The following ANKRD12 variants were observed in gnomAD, a reference collection of about 807,000 sequenced individuals.
ANKRD12 encodes the protein ankyrin repeat domain 12, also known as ankyrin repeat domain-containing protein 12.
ANKRD12 carries 85 observed loss-of-function variants against 183.4 expected under a neutral mutation model. The observed-to-expected ratio is 0.46, with a 90% CI of 0.39 to 0.56. The LOEUF is 0.56. ANKRD12 is among the 20% of genes least tolerant of loss of function. ANKRD12 has a pLI of 0.00. For missense variants in ANKRD12, 2,405 were observed against 2,357.1 expected, an observed-to-expected ratio of 1.02 and a Z score of -0.42; for synonymous variants, 914 against 800.2, an observed-to-expected ratio of 1.14 and a Z score of -2.40.
chr18:9,248,281 C>T (rs34495373), intron 8 of ANKRD12, among the ~76,000 whole-genome samples: 2,970 of 152,256 alleles, frequency 0.02, 51 homozygotes, highest in Non-Finnish European at 0.03. Context: ...ACATGAACAT[C>T]GGACTTCTTT....
intron 2 of ANKRD12, among the ~76,000 whole-genome samples, chr18:9,191,247 C>T (rs997746650): frequency 1.3e-5 from 2 of 152,078 alleles, no homozygotes; most frequent in African/African-American, 4.8e-5. Context: ...ATGAGCCTCT[C>T]GTGAATTTGA....
At chr18:9,137,444 G>C (rs1261715287) in intron 1 of ANKRD12, 1 of 146,184 alleles carries the variant, frequency 6.8e-6, no homozygotes, top group East Asian at 2.0e-4. Context: ...GAGTGTGCGC[G>C]GCCGAGAGGG....
At chr18:9,204,243 A>G (rs2035351400) in intron 3 of ANKRD12, among the ~76,000 whole-genome samples, 1 of 152,246 alleles carries the variant, frequency 6.6e-6, no homozygotes, top group Admixed American at 6.5e-5. Context: ...TGTTATTGAA[A>G]CTGCATGGTT....
At chr18:9,215,208 T>G (rs1426968740) in intron 6 of ANKRD12, among the ~76,000 whole-genome samples, 1 of 152,038 alleles carries the variant, frequency 6.6e-6, no homozygotes, top group Admixed American at 6.6e-5. Flanking sequence ...GGACATTTAT[T>G]AGTAAGGAAG....
chr18:9,243,619 G>A lies in ANKRD12; in HGVS notation c.944-10592G>A, dbSNP rs1251685549. On this transcript the variant is annotated intron_variant, in intron 8 of 12. Coordinates refer to ENST00000262126, the MANE Select transcript of ANKRD12 (RefSeq NM_015208.5). ...GTGAAAGAGGGTAATCAGAGACCAA[G>A]AAAGTCCTTGGAATTCAAGATAATA... 3.3e-5 allele frequency among the ~76,000 whole-genome samples: 5 copies of A among 152,214 alleles called. No homozygotes were observed. In the East Asian group the frequency reaches 9.7e-4, roughly 29 times the overall value.
chr18:9,239,174 T>G (rs1364569372), intron 8 of ANKRD12, among the ~76,000 whole-genome samples: 1 of 152,184 alleles, frequency 6.6e-6, no homozygotes, highest in Non-Finnish European at 1.5e-5. Context: ...ATATGATATG[T>G]TAACTGTTAT....
At chr18:9,269,288 C>A (rs2039471363) in intron 10 of ANKRD12, among the ~76,000 whole-genome samples, 1 of 152,138 alleles carries the variant, frequency 6.6e-6, no homozygotes, top group South Asian at 2.1e-4. Context: ...TCATATGGAA[C>A]CAAAAAAGAC....
intron 1 of ANKRD12, among the ~76,000 whole-genome samples, chr18:9,176,616 A>C (rs1439382443): frequency 1.3e-5 from 2 of 152,064 alleles, no homozygotes; most frequent in African/African-American, 4.8e-5. Flanking sequence ...AGGTGCTTAT[A>C]CTTAAAAAAA....
rs538210437 is a variant in ANKRD12 at position 9,275,501 on chromosome 18, T to A, written c.5764-23T>A. ...AAAAATTTGTTGAAGAATTTATTTT[T>A]TTTTAATTCTTTATTCAACTAGGAA... On this transcript the variant is annotated intron_variant, in intron 10 of 12. Transcript: ENST00000262126. 55 of 1,592,376 alleles carry A rather than the reference T, an allele frequency of 3.5e-5. No individual in the cohort carries two copies. The South Asian group carries it at 6.0e-4, about 18-fold the overall frequency.
At chr18:9,175,523 CTTTTTTTT>C (rs33944736) in intron 1 of ANKRD12, among the ~76,000 whole-genome samples, 214 of 53,322 alleles carry the variant, frequency 4.0e-3, no homozygotes, top group African/African-American at 0.013. Flanking sequence ...AAAGGCTCCT[CTTTTTTTT>C]TTTTTTTTTT....
intron 9 of ANKRD12, among the ~76,000 whole-genome samples, chr18:9,261,729 C>G (rs1028744536): frequency 6.6e-6 from 1 of 152,122 alleles, no homozygotes; most frequent in Non-Finnish European, 1.5e-5. Context: ...GCATGCCATC[C>G]TCTTTTGGGA....
intron 4 of ANKRD12, among the ~76,000 whole-genome samples, chr18:9,206,096 C>T (rs1405902928): frequency 6.6e-6 from 1 of 151,912 alleles, no homozygotes; most frequent in Non-Finnish European, 1.5e-5. Context: ...AATGTTGGAG[C>T]GTTGAAAAGT....
intron 3 of ANKRD12, among the ~76,000 whole-genome samples, chr18:9,198,014 T>A (rs1402299973): frequency 6.6e-6 from 1 of 152,236 alleles, no homozygotes; most frequent in Non-Finnish European, 1.5e-5. Flanking sequence ...TTATTTACGA[T>A]TCAAGTGTCT....
chr18:9,234,416 G>T (rs939092471), intron 8 of ANKRD12, among the ~76,000 whole-genome samples: 1 of 152,202 alleles, frequency 6.6e-6, no homozygotes. Context: ...TTTCACAGCT[G>T]TATGCAGGGA....
Position 9,258,043 on chromosome 18 carries a change from T to G in ANKRD12, c.4776T>G (p.Asn1592Lys). 3.7e-6 allele frequency: 6 copies of G among 1,613,556 alleles called. No individual in the cohort carries two copies. The highest frequency in any genetic ancestry group is 2.2e-5 in the South Asian group (2 of 91,064). ...LPVLPSEKDF[N>K]GSDASTQLNT... Reference sequence around the variant, plus strand: ...TGTTACCATCAGAAAAGGACTTTAATGGAAGTGATGCCTCTACCCAGCTAA... The same window carrying G: ...TGTTACCATCAGAAAAGGACTTTAAGGGAAGTGATGCCTCTACCCAGCTAA... The change falls in exon 9 of 13, where the codon AAT (asparagine) becomes AAG (lysine). Residue 1592 changes from asparagine (N) to lysine (K), a missense_variant. Asn to Lys is a moderately conservative substitution (Grantham distance 94). Coordinates refer to ENST00000262126, the MANE Select transcript of ANKRD12 (RefSeq NM_015208.5).
At chr18:9,156,174 T>A (rs992946648) in intron 1 of ANKRD12, among the ~76,000 whole-genome samples, 1 of 151,414 alleles carries the variant, frequency 6.6e-6, no homozygotes, top group African/African-American at 2.4e-5. Context: ...CTTTTGACTT[T>A]TATGTCACAT....
intron 7 of ANKRD12, among the ~76,000 whole-genome samples, chr18:9,218,801 C>G (rs1267491095): frequency 6.6e-6 from 1 of 151,800 alleles, no homozygotes; most frequent in African/African-American, 2.4e-5. Context: ...TCCCAAGTAG[C>G]TGGACTACAG....
chr18:9,213,704 G>A (rs1274716989), intron 6 of ANKRD12, among the ~76,000 whole-genome samples: 1 of 151,710 alleles, frequency 6.6e-6, no homozygotes, highest in Non-Finnish European at 1.5e-5. Context: ...TGAGATTATG[G>A]ACAGTGTTTA....
intron 1 of ANKRD12, among the ~76,000 whole-genome samples, chr18:9,150,014 C>G (rs1442106280): frequency 2.0e-5 from 3 of 151,980 alleles, no homozygotes; most frequent in African/African-American, 7.2e-5. Context: ...CCAGGCTGGT[C>G]TCGACCTCCT....
Sources: gnomAD v4.1 joint callset for allele counts (sites outside exome capture counted in the v4.1 genomes callset) on GRCh38, gnomAD v4.1.1 for gene constraint, MANE v1.5 for transcripts, NCBI Gene and HGNC (gene_info 2026-07-23, HGNC 2026-07-21) for gene names.